The following NEBL variants were observed in gnomAD, a reference collection of about 807,000 sequenced individuals.
The protein encoded by NEBL is LIM and SH3 protein 2.
Under a neutral mutation model 140.2 loss-of-function variants are expected in NEBL, and 122 were observed. The observed-to-expected ratio is 0.87, with a 90% CI of 0.75 to 1.01. The LOEUF (loss-of-function observed/expected upper bound fraction) is 1.01. Among genes scored for constraint, NEBL ranks in the 50% least tolerant of loss-of-function variants. The probability of loss-of-function intolerance (pLI) is 0.00; values close to 1 mark genes in which losing one functional copy is unlikely to be tolerated. For synonymous variants in NEBL, 436 were observed against 398.9 expected (o/e 1.09, Z -1.11); for missense variants, 1,365 against 1,231.3 (o/e 1.11, Z -1.62).
intron 2 of NEBL, among the ~76,000 whole-genome samples, chr10:21,068,782 T>C (rs1835680014): frequency 6.6e-6 from 1 of 152,244 alleles, no homozygotes; most frequent in Non-Finnish European, 1.5e-5. Flanking sequence ...CTAAATAGTC[T>C]AATTACCTAG....
chr10:20,836,436 C>T (rs573780190), intron 13 of NEBL, among the ~76,000 whole-genome samples: 16 of 152,074 alleles, frequency 1.1e-4, no homozygotes, highest in South Asian at 4.2e-4. Flanking sequence ...TTGGCCAGGC[C>T]GGTCACGAAC....
At chr10:20,959,590 T>C (rs1835957875) in intron 4 of NEBL, among the ~76,000 whole-genome samples, 2 of 152,154 alleles carry the variant, frequency 1.3e-5, no homozygotes, top group Non-Finnish European at 2.9e-5. Context: ...TGCAGTCTTA[T>C]AAATGAATAA....
At chr10:21,135,643 G>C (rs1564523360) in intron 2 of NEBL, among the ~76,000 whole-genome samples, 3 of 152,166 alleles carry the variant, frequency 2.0e-5, no homozygotes, top group Non-Finnish European at 4.4e-5. Flanking sequence ...TCTACTCAGT[G>C]AGTGATTCCC....
chr10:21,258,831 A>T (rs1842698944), intron 1 of NEBL, among the ~76,000 whole-genome samples: 1 of 152,194 alleles, frequency 6.6e-6, no homozygotes, highest in Non-Finnish European at 1.5e-5. Flanking sequence ...ATGAGCCGAG[A>T]TCACGGCCAC....
chr10:20,946,079 G>A (rs1290094234), intron 4 of NEBL, among the ~76,000 whole-genome samples: 1 of 152,096 alleles, frequency 6.6e-6, no homozygotes. Context: ...CTCTATTCGG[G>A]TATGTGGGTG....
intron 2 of NEBL, among the ~76,000 whole-genome samples, chr10:21,045,581 A>G (rs563882521): frequency 8.5e-5 from 13 of 152,330 alleles, no homozygotes; most frequent in Middle Eastern, 6.8e-3. Flanking sequence ...CATTTCTCGA[A>G]AGAAGACATA....
chr10:21,034,924 C>A (rs921678478), intron 2 of NEBL, among the ~76,000 whole-genome samples: 4 of 151,642 alleles, frequency 2.6e-5, no homozygotes, highest in African/African-American at 9.7e-5. Context: ...TTAAGCCCAG[C>A]ATGCACTAGC....
intron 2 of NEBL, among the ~76,000 whole-genome samples, chr10:21,066,382 C>T (rs926450682): frequency 3.3e-5 from 5 of 152,004 alleles, no homozygotes; most frequent in African/African-American, 1.2e-4. Context: ...AAGATGATAG[C>T]AATTCGTTGT....
intron 2 of NEBL, among the ~76,000 whole-genome samples, chr10:21,074,819 G>T (rs1189409809): frequency 2.7e-5 from 4 of 146,626 alleles, no homozygotes; most frequent in Admixed American, 2.0e-4. Context: ...TGTTGTTGTT[G>T]TTGAGACAGG....
intron 2 of NEBL, among the ~76,000 whole-genome samples, chr10:21,090,404 C>G (rs954421218): frequency 1.3e-5 from 2 of 152,158 alleles, no homozygotes; most frequent in African/African-American, 4.8e-5. Context: ...ACTATTTACA[C>G]AGCATTTACA....
At chr10:21,241,734 C>A (rs1353880774) in intron 3 of NEBL, among the ~76,000 whole-genome samples, 1 of 152,140 alleles carries the variant, frequency 6.6e-6, no homozygotes, top group African/African-American at 2.4e-5. Flanking sequence ...ACCACCCGGG[C>A]ATTTGAGTTC....
At chr10:20,903,901 T>C (rs1167502493) in intron 4 of NEBL, among the ~76,000 whole-genome samples, 2 of 151,086 alleles carry the variant, frequency 1.3e-5, no homozygotes, top group South Asian at 4.2e-4. Context: ...AATCTACGGA[T>C]TGGGAACAAT....
At chr10:21,069,939 C>T (rs948010031) in intron 2 of NEBL, 1 of 453,780 alleles carries the variant, frequency 2.2e-6, no homozygotes, top group Non-Finnish European at 4.4e-6. Context: ...TAAATATCCC[C>T]TATCATGTAC....
At chr10:21,022,609 C>A (rs1838842494) in intron 2 of NEBL, among the ~76,000 whole-genome samples, 1 of 152,120 alleles carries the variant, frequency 6.6e-6, no homozygotes, top group Admixed American at 6.5e-5. Flanking sequence ...CCTTCAAAAC[C>A]CTTTACACAA....
At chr10:21,018,390 G>A (rs1323782941) in intron 3 of NEBL, among the ~76,000 whole-genome samples, 3 of 152,140 alleles carry the variant, frequency 2.0e-5, no homozygotes, top group Admixed American at 2.0e-4. Flanking sequence ...GCACAGAGCA[G>A]ATCCAGATTC....
chr10:20,896,918 T>C lies in NEBL; in HGVS notation c.153+40A>G, dbSNP rs1011074686. Reference sequence around the variant, plus strand: ...CTCTATAACATAATAATACCACAGGTGCAATGCAAAATAAGACAAAAATTA... The same window carrying C: ...CTCTATAACATAATAATACCACAGGCGCAATGCAAAATAAGACAAAAATTA... On this transcript the variant is annotated intron_variant, in intron 2 of 27. Transcript: ENST00000377122. 7 of 1,515,402 alleles carry C rather than the reference T, an allele frequency of 4.6e-6. No homozygotes were observed. The Admixed American group carries it at 5.0e-5, about 11-fold the overall frequency. 93.9% of individuals were successfully genotyped at this position (1,515,402 alleles called of 1,614,324 possible). A position where few individuals can be genotyped will look rare whatever the true frequency, so the allele number is the denominator to read the frequency against.
intron 26 of NEBL, among the ~76,000 whole-genome samples, chr10:20,794,376 C>T (rs1330718425): frequency 6.6e-6 from 1 of 152,102 alleles, no homozygotes; most frequent in Non-Finnish European, 1.5e-5. Flanking sequence ...ATTTCTATTC[C>T]TATAATGTAT....
chr10:20,883,066 C>A (rs1471048517), intron 4 of NEBL, among the ~76,000 whole-genome samples: 2 of 152,208 alleles, frequency 1.3e-5, no homozygotes, highest in East Asian at 3.9e-4. Flanking sequence ...ATGCTCTCTT[C>A]AGCCCAAATC....
chr10:21,185,487 C>CTTTTTTTTTTTTTTTTTTTTTTTTTTTTT (rs10612676), intron 3 of NEBL, among the ~76,000 whole-genome samples: 1 of 72,050 alleles, frequency 1.4e-5, no homozygotes, highest in Non-Finnish European at 2.3e-5. Context: ...ATTTTCTTTC[C>CTTTTTTTTTTTTTTTTTTTTTTTTTTTTT]TTTTTTTTTT....
Sources: allele counts gnomAD v4.1 joint callset (sites outside exome capture counted in the v4.1 genomes callset), GRCh38; gene constraint gnomAD v4.1.1; transcripts MANE v1.5; gene names NCBI Gene and HGNC (gene_info 2026-07-23, HGNC 2026-07-21).